Variants in DPYSL4 observed in about 807,000 individuals in gnomAD.
DPYSL4 encodes dihydropyrimidinase-related protein 4.
In DPYSL4, 43 loss-of-function variants were observed where a neutral mutation model predicts 63.4. The ratio of observed to expected loss-of-function variants is 0.68; its 90% CI spans 0.53 to 0.88. The LOEUF (loss-of-function observed/expected upper bound fraction) is 0.88, where lower values mean the gene tolerates loss of function less well. DPYSL4 is among the 40% of genes least tolerant of loss of function. The pLI is 0.00. For synonymous variants in DPYSL4, 353 were observed against 331.7 expected, an observed-to-expected ratio of 1.06 and a Z score of -0.70; for missense variants, 733 against 819.5, an observed-to-expected ratio of 0.89 and a Z score of 1.29.
At chr10:132,202,311 G>A (rs1196020547) in intron 11 of DPYSL4, among the ~76,000 whole-genome samples, 195 bp downstream of exon 11, 6 of 152,258 alleles carry the variant, frequency 3.9e-5, no homozygotes, top group African/African-American at 9.6e-5. Flanking sequence ...CTGCGTGGCC[G>A]CTGCATCTGT....
At chr10:132,192,318 C>T (rs2061888916) in intron 2 of DPYSL4, 1 of 1,005,746 alleles carries the variant, frequency 9.9e-7, no homozygotes. Context: ...GCAGGTGCTT[C>T]CTAAATACTG....
rs57734084 is a variant in DPYSL4 at position 132,191,494 on chromosome 10, T to C, written c.128+659T>C. On this transcript the variant is annotated intron_variant, in intron 2 of 13. Transcript: ENST00000338492. Reference sequence around the variant, plus strand: ...CCAGCTCGTGTGTACACGCTGGTCATGTGGTATCCAGGCAGATGAACATAG... The same window carrying C: ...CCAGCTCGTGTGTACACGCTGGTCACGTGGTATCCAGGCAGATGAACATAG... Among the ~76,000 whole-genome samples, 120 of 46,960 alleles carry C rather than the reference T, an allele frequency of 2.6e-3. 1 individual carries two copies. The highest frequency in any genetic ancestry group is 6.3e-3 in the East Asian group (2 of 316). 30.8% of individuals were successfully genotyped at this position (46,960 alleles called of 152,430 possible). A position where few individuals can be genotyped will look rare whatever the true frequency, so the allele number is the denominator to read the frequency against.
In DPYSL4 at chr10:132,204,968, C is replaced by T. The variant is rs1374097715; in HGVS notation, c.*38C>T. 1.3e-6 allele frequency: 2 copies of T among 1,545,570 alleles called. No homozygotes were observed. The highest frequency in any genetic ancestry group is 1.8e-6 in the Non-Finnish European group (2 of 1,142,682). On this transcript the variant is annotated 3_prime_UTR_variant, in exon 14 of 14. Transcript: ENST00000338492. ...GGCCCTGTGAGCCGTGCTGGCCCCA[C>T]CCGAGGCCGCGGGGGCCCCAGGGCA...
Position 132,187,000 on chromosome 10 carries a change from C to CCCGGGGGGGGGGGGG in DPYSL4, c.-64_-63insCCGGGGGGGGGGGGG. Reference sequence around the variant, plus strand: ...ACGCGTCCCGGCTCACGCGTCCCCCCGCCCGCCCGCCCGCCCGCCCGCCCC... The same window carrying CCCGGGGGGGGGGGGG: ...ACGCGTCCCGGCTCACGCGTCCCCCCCCGGGGGGGGGGGGGGCCCGCCCGCCCGCCCGCCCGCCCC... On this transcript the variant is annotated 5_prime_UTR_variant, in exon 1 of 14. Coordinates refer to ENST00000338492, the MANE Select transcript of DPYSL4 (RefSeq NM_006426.3). 9.0e-5 allele frequency: 1 copy of CCCGGGGGGGGGGGGG among 11,122 alleles called. No individual in the cohort carries two copies. The highest frequency in any genetic ancestry group is 1.8e-4 in the Non-Finnish European group (1 of 5,644). 0.7% of individuals were successfully genotyped at this position (11,122 alleles called of 1,614,324 possible).
At chr10:132,192,210 G>T in intron 2 of DPYSL4, 1 of 647,900 alleles carries the variant, frequency 1.5e-6, no homozygotes. Flanking sequence ...GGCCTTTGGT[G>T]AGGGCAGAGG....
chr10:132,193,130 TG>T (rs2061899196), intron 3 of DPYSL4, among the ~76,000 whole-genome samples: 1 of 151,960 alleles, frequency 6.6e-6, no homozygotes, highest in South Asian at 2.1e-4. Context: ...AGCTCGGAGT[TG>T]GGGGTTGGAA....
intron 1 of DPYSL4, among the ~76,000 whole-genome samples, chr10:132,187,904 G>A (rs1393447435): frequency 1.3e-5 from 2 of 152,208 alleles, no homozygotes; most frequent in African/African-American, 4.8e-5. Context: ...GGCAGGACCT[G>A]GGCGGGGGAG....
At chr10:132,193,655 T>G (rs1231710842) in intron 3 of DPYSL4, among the ~76,000 whole-genome samples, 1 of 152,220 alleles carries the variant, frequency 6.6e-6, no homozygotes, top group Non-Finnish European at 1.5e-5. Context: ...CTGAACCTGG[T>G]TGTATGGTTT....
intron 7 of DPYSL4, 44 bp downstream of exon 7, chr10:132,198,527 C>T (rs1423501120): frequency 1.9e-6 from 3 of 1,540,276 alleles, no homozygotes; most frequent in Non-Finnish European, 2.6e-6. Flanking sequence ...CAACTCCGCC[C>T]AGACCACTGC....
chr10:132,197,083 C>A lies in DPYSL4; in HGVS notation c.603C>A (p.Asn201Lys). The A allele has an allele frequency of 6.5e-7, 1 of 1,533,770 alleles. No individual in the cohort carries two copies. The highest frequency in any genetic ancestry group is 8.8e-7 in the Non-Finnish European group (1 of 1,137,306). The change falls in exon 6 of 14, where the codon AAC (asparagine) becomes AAA (lysine). Residue 201 changes from asparagine to lysine, a missense_variant. Asn to Lys is a moderately conservative substitution (Grantham distance 94). Transcript: ENST00000338492. ...CCTTGGCCCAGGTGCACGCTGAGAA[C>A]GGGGACATCGTGGAGGAGGTGCCGT... ...LGALAQVHAENGDIVEEEQKR... is the reference protein window; with the variant it reads ...LGALAQVHAEKGDIVEEEQKR...
At chr10:132,196,719 C>G in intron 4 of DPYSL4, 142 bp from the exon 5 acceptor site, 1 of 901,966 alleles carries the variant, frequency 1.1e-6, no homozygotes, top group South Asian at 1.5e-5. Context: ...GGGGACTGCT[C>G]CCAGGGCTGG....
At chr10:132,190,624 C>T in intron 1 of DPYSL4, 123 bp from the exon 2 acceptor site, 5 of 878,942 alleles carry the variant, frequency 5.7e-6, no homozygotes, top group South Asian at 1.7e-5. Context: ...CTTTTGTGCT[C>T]GTTTTTACGT....
At chr10:132,204,566 G>C (rs1240519817) in intron 13 of DPYSL4, among the ~76,000 whole-genome samples, 1 of 152,156 alleles carries the variant, frequency 6.6e-6, no homozygotes, top group East Asian at 1.9e-4. Flanking sequence ...GGCAGGACTG[G>C]CCCGGGTTCC....
Position 132,204,990 on chromosome 10 carries a change from G to A in DPYSL4, c.*60G>A, listed in dbSNP as rs1244737010. On this transcript the variant is annotated 3_prime_UTR_variant, in exon 14 of 14. Transcript: ENST00000338492. ...CCACCCGAGGCCGCGGGGGCCCCAG[G>A]GCACTCGCCCCCCTCCTTAGCATTT... 1.0e-5 allele frequency: 14 copies of A among 1,382,530 alleles called. No homozygotes were observed. Among genetic ancestry groups the A allele is most frequent in the Non-Finnish European group, 1.3e-5 (13 of 1,007,706 alleles). 85.6% of individuals were successfully genotyped at this position (1,382,530 alleles called of 1,614,324 possible).
chr10:132,200,545 C>T, intron 9 of DPYSL4, 33 bp downstream of exon 9: 1 of 1,608,466 alleles, frequency 6.2e-7, no homozygotes, highest in Non-Finnish European at 8.5e-7. Context: ...CCCAGGTTGG[C>T]CGCCCGCTGC....
chr10:132,200,978 T>TGTGTG lies in DPYSL4; in HGVS notation c.1109_1110+3dup. 6.2e-7 allele frequency: 1 copy of TGTGTG among 1,612,954 alleles called. No individual in the cohort carries two copies. The highest frequency in any genetic ancestry group is 8.5e-7 in the Non-Finnish European group (1 of 1,179,856). On this transcript the variant is annotated frameshift_variant, in exon 10 of 14. Transcript: ENST00000338492. LOFTEE classifies it high-confidence loss of function. ...GCGCATGTCGATGGTCTGGGAGAAATGTGTGGTGAGCACAGGCCTGGCCGG... is the reference window on the plus strand; with the variant it reads ...GCGCATGTCGATGGTCTGGGAGAAATGTGTGGTGTGGTGAGCACAGGCCTGGCCGG...
chr10:132,201,914 G>A lies in DPYSL4; in HGVS notation c.1111-32G>A, dbSNP rs577933920. The A allele has an allele frequency of 2.4e-5, 39 of 1,593,282 alleles. No homozygotes were observed. The South Asian group carries it at 3.2e-4, about 13-fold the overall frequency. ...CGCAAGCCTCACCCCAACCCCACCC[G>A]TCGCCCTCAGCTCAGCCTTCTTGTT... On this transcript the variant is annotated intron_variant, in intron 10 of 13. Coordinates refer to ENST00000338492, the MANE Select transcript of DPYSL4 (RefSeq NM_006426.3).
At chr10:132,192,173 T>C (rs545248194) in intron 2 of DPYSL4, 14 of 299,092 alleles carry the variant, frequency 4.7e-5, no homozygotes, top group Non-Finnish European at 6.4e-5. Flanking sequence ...TTGGCAGCAG[T>C]AAGCTGGTGG....
At chr10:132,199,389 G>C (rs2061983604) in intron 8 of DPYSL4, among the ~76,000 whole-genome samples, 1 of 152,180 alleles carries the variant, frequency 6.6e-6, no homozygotes, top group African/African-American at 2.4e-5. Context: ...TGGCACTGCA[G>C]AGAGCCTCAG....
Sources: gnomAD v4.1 joint callset for allele counts (sites outside exome capture counted in the v4.1 genomes callset) on GRCh38, gnomAD v4.1.1 for gene constraint, MANE v1.5 for transcripts, NCBI Gene and HGNC (gene_info 2026-07-23, HGNC 2026-07-21) for gene names.